The following SLC35E2B variants were observed in gnomAD, a reference collection of about 807,000 sequenced individuals.
SLC35E2B encodes the protein solute carrier family 35 member E2B, also known as solute carrier family 35, member E2B.
In SLC35E2B, 18 loss-of-function variants were observed where a neutral mutation model predicts 32.4. The observed-to-expected ratio is 0.56, with a 90% CI of 0.38 to 0.82. SLC35E2B has a LOEUF of 0.82. SLC35E2B is among the 40% of genes least tolerant of loss of function. The pLI is 0.00. For synonymous variants in SLC35E2B, 132 were observed against 209.1 expected (o/e 0.63, Z 3.18); for missense variants, 263 against 469.5 (o/e 0.56, Z 4.06).
Position 1,665,633 on chromosome 1 carries a change from C to T in SLC35E2B, c.*149G>A. 7.8e-7 allele frequency: 1 copy of T among 1,282,122 alleles called. No individual in the cohort carries two copies. The highest frequency in any genetic ancestry group is 1.0e-6 in the Non-Finnish European group (1 of 957,562). The allele number at this position is 1,282,122 out of a possible 1,614,324, so 79.4% of individuals were successfully genotyped here. A position where few individuals can be genotyped will look rare whatever the true frequency, so the allele number is the denominator to read the frequency against. ...ATCCCCAGTTTGAGTTTCTGCTGGT[C>T]TTCACCGACAAACCGAGAAAGCCGC... On this transcript the variant is annotated 3_prime_UTR_variant, in exon 10 of 10. Transcript: ENST00000617444.
At position 1,664,873 on chromosome 1, in the gene SLC35E2B, C is replaced by G. The variant is rs1194772302; in HGVS notation, c.*909G>C. ...TAGATGATGATAGGAACAGTGGGCT[C>G]TGAGGGAGGACAGACAGGCTCACCC... is the stretch of plus-strand genomic sequence containing the variant. On this transcript the variant is annotated 3_prime_UTR_variant, in exon 10 of 10. Coordinates refer to ENST00000617444, the MANE Select transcript of SLC35E2B (RefSeq NM_001290264.2). The G allele has an allele frequency of 2.1e-5, 19 of 925,828 alleles. 2 individuals are homozygous for G. The highest frequency in any genetic ancestry group is 2.3e-5 in the Non-Finnish European group (18 of 779,814). The allele number at this position is 925,828 out of a possible 1,614,324, so 57.4% of individuals were successfully genotyped here.
At chr1:1,687,927 C>T (rs1373389319) in intron 2 of SLC35E2B, among the ~76,000 whole-genome samples, 7 of 151,974 alleles carry the variant, frequency 4.6e-5, no homozygotes, top group African/African-American at 1.7e-4. Flanking sequence ...ATAATAATAA[C>T]ATATATCATT....
intron 8 of SLC35E2B, among the ~76,000 whole-genome samples, chr1:1,669,374 A>C (rs1463671595): frequency 6.6e-6 from 1 of 152,092 alleles, no homozygotes; most frequent in Non-Finnish European, 1.5e-5. Flanking sequence ...AAAAAAAAAA[A>C]GTTTTTCTAA....
At chr1:1,677,834 G>A (rs1019365347) in intron 2 of SLC35E2B, among the ~76,000 whole-genome samples, 3 of 151,692 alleles carry the variant, frequency 2.0e-5, no homozygotes, top group African/African-American at 4.9e-5. Context: ...GCTTCGGGGC[G>A]AGACACCCCC....
At chr1:1,673,703 C>T (rs925802991) in intron 5 of SLC35E2B, among the ~76,000 whole-genome samples, 4 of 150,958 alleles carry the variant, frequency 2.6e-5, no homozygotes, top group African/African-American at 7.3e-5. Context: ...TGGCTAACAC[C>T]TGTAATCCCA....
chr1:1,673,471 C>G (rs1298679219), intron 5 of SLC35E2B: 1 of 263,938 alleles, frequency 3.8e-6, no homozygotes, highest in Non-Finnish European at 7.6e-6. Context: ...AGCTCAAGAC[C>G]AGCATGGCCA....
intron 2 of SLC35E2B, among the ~76,000 whole-genome samples, chr1:1,685,640 G>A (rs931740561): frequency 1.3e-5 from 2 of 151,922 alleles, no homozygotes; most frequent in African/African-American, 2.4e-5. Context: ...ACACGAACAC[G>A]AATGCATGAA....
intron 2 of SLC35E2B, among the ~76,000 whole-genome samples, chr1:1,690,526 G>C: frequency 7.1e-6 from 1 of 141,572 alleles, no homozygotes; most frequent in East Asian, 2.1e-4. Context: ...ATCACCTGAG[G>C]TCAGGAGTTC....
In SLC35E2B at chr1:1,665,459, C is replaced by T. The variant is rs1326812476; in HGVS notation, c.*323G>A. The T allele has an allele frequency of 1.9e-5, 10 of 528,148 alleles. No individual in the cohort carries two copies. Among genetic ancestry groups the T allele is most frequent in the Non-Finnish European group, 3.3e-5 (10 of 300,824 alleles). 32.7% of individuals were successfully genotyped at this position (528,148 alleles called of 1,614,324 possible). A position where few individuals can be genotyped will look rare whatever the true frequency, so the allele number is the denominator to read the frequency against. ...GTTGGCACTGGACCCACCTCTGGCT[C>T]CCGGTGGACCCTGGGGTGTCGCCCA... On this transcript the variant is annotated 3_prime_UTR_variant, in exon 10 of 10. Transcript: ENST00000617444.
chr1:1,675,610 A>G lies in SLC35E2B; in HGVS notation c.459-20T>C, dbSNP rs1222511046. ...GCAAACCTAAAAATGAGCCAAAAGC[A>G]CCATCACCTTAGAACGAGTCTGTCT... On this transcript the variant is annotated intron_variant, in intron 4 of 9. Coordinates refer to ENST00000617444, the MANE Select transcript of SLC35E2B (RefSeq NM_001290264.2). The G allele has an allele frequency of 4.0e-6, 6 of 1,518,486 alleles. No individual in the cohort carries two copies. Among genetic ancestry groups the G allele is most frequent in the Non-Finnish European group, 5.3e-6 (6 of 1,134,090 alleles). 94.1% of individuals were successfully genotyped at this position (1,518,486 alleles called of 1,614,324 possible). A position where few individuals can be genotyped will look rare whatever the true frequency, so the allele number is the denominator to read the frequency against.
At chr1:1,683,169 A>G (rs1295861497) in intron 2 of SLC35E2B, among the ~76,000 whole-genome samples, 1 of 152,178 alleles carries the variant, frequency 6.6e-6, no homozygotes, top group Non-Finnish European at 1.5e-5. Context: ...TTCCCACAGG[A>G]GATGCAGGTT....
At chr1:1,688,786 G>GGGGCAA (rs1643984379) in intron 2 of SLC35E2B, among the ~76,000 whole-genome samples, 6 of 150,774 alleles carry the variant, frequency 4.0e-5, no homozygotes, top group Non-Finnish European at 7.4e-5. Flanking sequence ...GGCGCAGGGA[G>GGGGCAA]GGGGCGGCAG....
At chr1:1,682,571 G>C (rs1450283376) in intron 2 of SLC35E2B, among the ~76,000 whole-genome samples, 1 of 152,060 alleles carries the variant, frequency 6.6e-6, no homozygotes, top group Non-Finnish European at 1.5e-5. Context: ...TCAGCTGTGC[G>C]GGAAGCACCA....
chr1:1,678,251 G>A (rs1266555368), intron 2 of SLC35E2B, among the ~76,000 whole-genome samples: 1 of 152,030 alleles, frequency 6.6e-6, no homozygotes, highest in East Asian at 1.9e-4. Context: ...TAAATATTCT[G>A]TGTTCACACT....
chr1:1,686,913 G>A (rs746407311), intron 2 of SLC35E2B, among the ~76,000 whole-genome samples: 10 of 151,888 alleles, frequency 6.6e-5, no homozygotes, highest in Non-Finnish European at 1.2e-4. Flanking sequence ...AAAATTAGCC[G>A]GGCGTGGTGA....
At chr1:1,672,155 G>A (rs4648779) in intron 5 of SLC35E2B, 50,013 of 152,548 alleles carry the variant, frequency 0.33, 9,560 homozygotes, top group African/African-American at 0.51. Context: ...CTTGAGCCCA[G>A]GGGTTCAAGA....
At chr1:1,680,763 A>C (rs1570339045) in intron 2 of SLC35E2B, among the ~76,000 whole-genome samples, 1 of 150,532 alleles carries the variant, frequency 6.6e-6, no homozygotes, top group Admixed American at 6.6e-5. Context: ...CCCCCACGTA[A>C]ACACCTGTCC....
chr1:1,686,007 TTTTCA>T (rs1469251369), intron 2 of SLC35E2B, among the ~76,000 whole-genome samples: 1 of 122,902 alleles, frequency 8.1e-6, no homozygotes, highest in African/African-American at 3.0e-5. Context: ...AATTTTTGTA[TTTTCA>T]TTTCATTTTT....
chr1:1,673,487 G>A, intron 5 of SLC35E2B: 1 of 254,818 alleles, frequency 3.9e-6, no homozygotes, highest in Non-Finnish European at 7.9e-6. Context: ...GGCCAACATG[G>A]TGAAACCCCA....
Sources: allele counts gnomAD v4.1 joint callset (sites outside exome capture counted in the v4.1 genomes callset), GRCh38; gene constraint gnomAD v4.1.1; transcripts MANE v1.5; gene names NCBI Gene and HGNC (gene_info 2026-07-23, HGNC 2026-07-21).